The following SPOCK3 variants were observed in gnomAD, a reference collection of about 807,000 sequenced individuals.
The protein encoded by SPOCK3 is SPARC (osteonectin), cwcv and kazal like domains proteoglycan 3.
Under a neutral mutation model 56.6 loss-of-function variants are expected in SPOCK3, and 30 were observed. The observed-to-expected ratio is 0.53, with a 90% CI of 0.40 to 0.72. SPOCK3 has a LOEUF of 0.72. Ranked by LOEUF, SPOCK3 falls within the 30% of genes least tolerant of loss-of-function variation. The probability of loss-of-function intolerance (pLI) is 0.00; values close to 1 mark genes in which losing one functional copy is unlikely to be tolerated. For synonymous variants in SPOCK3, 196 were observed against 183.3 expected (o/e 1.07, Z -0.56); for missense variants, 527 against 530.0 (o/e 0.99, Z 0.06).
chr4:167,150,990 TTTGA>T (rs1764365728), intron 2 of SPOCK3, among the ~76,000 whole-genome samples: 1 of 152,218 alleles, frequency 6.6e-6, no homozygotes, highest in Non-Finnish European at 1.5e-5. Context: ...TATTTACCTT[TTTGA>T]TTGAGGCAGT....
At chr4:166,744,150 G>T (rs908391044) in intron 8 of SPOCK3, among the ~76,000 whole-genome samples, 1 of 152,172 alleles carries the variant, frequency 6.6e-6, no homozygotes, top group Non-Finnish European at 1.5e-5. Flanking sequence ...CAAACAGACT[G>T]CCTCCTCAAG....
At chr4:166,843,074 A>T (rs1290061913) in intron 6 of SPOCK3, among the ~76,000 whole-genome samples, 1 of 152,196 alleles carries the variant, frequency 6.6e-6, no homozygotes, top group Non-Finnish European at 1.5e-5. Flanking sequence ...CTGGGTGCTA[A>T]GCCCCTCACT....
At chr4:166,933,474 G>A (rs1014864417) in intron 4 of SPOCK3, among the ~76,000 whole-genome samples, 2 of 152,074 alleles carry the variant, frequency 1.3e-5, no homozygotes, top group East Asian at 3.9e-4. Context: ...ATTCCTTTCA[G>A]AAAGTTATGT....
At chr4:166,962,501 G>A (rs1744247703) in intron 4 of SPOCK3, among the ~76,000 whole-genome samples, 1 of 152,086 alleles carries the variant, frequency 6.6e-6, no homozygotes, top group Non-Finnish European at 1.5e-5. Context: ...AGCAGCATTA[G>A]AGAACCTTCT....
chr4:166,842,086 G>T (rs1747448731), intron 6 of SPOCK3, among the ~76,000 whole-genome samples: 1 of 152,192 alleles, frequency 6.6e-6, no homozygotes, highest in African/African-American at 2.4e-5. Flanking sequence ...GGGTGGGTTT[G>T]TGGTCTCCCT....
intron 7 of SPOCK3, among the ~76,000 whole-genome samples, chr4:166,769,605 G>A (rs899333029): frequency 3.3e-5 from 5 of 152,128 alleles, no homozygotes; most frequent in Admixed American, 3.3e-4. Flanking sequence ...CTACTTGGGG[G>A]GTGCCTCCCA....
At chr4:167,124,047 A>T (rs1046157807) in intron 2 of SPOCK3, among the ~76,000 whole-genome samples, 2 of 151,880 alleles carry the variant, frequency 1.3e-5, no homozygotes, top group African/African-American at 4.8e-5. Flanking sequence ...GCCCTGCCCC[A>T]AAAAGACATT....
intron 10 of SPOCK3, among the ~76,000 whole-genome samples, chr4:166,735,671 C>T (rs888724023): frequency 3.3e-5 from 5 of 151,798 alleles, no homozygotes; most frequent in Admixed American, 1.3e-4. Flanking sequence ...GCAGTGTTGT[C>T]GGCTTAAGTT....
intron 3 of SPOCK3, among the ~76,000 whole-genome samples, chr4:167,015,769 A>T (rs1039041338): frequency 6.6e-6 from 1 of 152,166 alleles, no homozygotes; most frequent in Non-Finnish European, 1.5e-5. Flanking sequence ...GCATCAAATG[A>T]TAGAGTGGTT....
intron 5 of SPOCK3, among the ~76,000 whole-genome samples, chr4:166,896,084 A>G (rs1735350923): frequency 6.6e-6 from 1 of 152,176 alleles, no homozygotes; most frequent in South Asian, 2.1e-4. Context: ...CAGTTAGAAC[A>G]TTATTAAGAG....
intron 6 of SPOCK3, among the ~76,000 whole-genome samples, chr4:166,818,724 A>T (rs1744623513): frequency 6.6e-6 from 1 of 152,016 alleles, no homozygotes; most frequent in Admixed American, 6.6e-5. Context: ...CTTCTGTTAA[A>T]GTATAACTTT....
chr4:167,228,716 A>G (rs993162593), intron 2 of SPOCK3, among the ~76,000 whole-genome samples: 1 of 152,188 alleles, frequency 6.6e-6, no homozygotes, highest in African/African-American at 2.4e-5. Context: ...AACAAGAGTC[A>G]GGATGCTGCC....
rs371887963 is a variant in SPOCK3, at chr4:167,124,513, T to C, written c.190-61976A>G. On this transcript the variant is annotated intron_variant, in intron 2 of 10. Transcript: ENST00000357545. Reference sequence around the variant, plus strand: ...TCATGCCACATCTTTAATGAAATCTTTGATGCCCTTTTCTCCCCCACACCC... The same window carrying C: ...TCATGCCACATCTTTAATGAAATCTCTGATGCCCTTTTCTCCCCCACACCC... Among the ~76,000 whole-genome samples the C allele has an allele frequency of 1.6e-4, 25 of 152,322 alleles. No homozygotes were observed. The East Asian group carries it at 4.6e-3, about 28-fold the overall frequency.
At chr4:167,145,405 T>C (rs908090498) in intron 2 of SPOCK3, among the ~76,000 whole-genome samples, 3 of 152,192 alleles carry the variant, frequency 2.0e-5, no homozygotes, top group African/African-American at 7.2e-5. Context: ...AAGCATATAA[T>C]GTTTTTTAAG....
intron 2 of SPOCK3, among the ~76,000 whole-genome samples, chr4:167,079,073 T>C (rs1271794481): frequency 6.8e-6 from 1 of 147,936 alleles, no homozygotes; most frequent in Non-Finnish European, 1.5e-5. Flanking sequence ...TTTGGGCAAA[T>C]GAAAAAAAAA....
intron 6 of SPOCK3, among the ~76,000 whole-genome samples, chr4:166,839,972 A>C (rs544038485): frequency 2.2e-4 from 34 of 152,104 alleles, no homozygotes; most frequent in Non-Finnish European, 4.4e-4. Context: ...GCTTCAATAA[A>C]CTTTGCTTTG....
chr4:166,840,452 G>C (rs1747117736), intron 6 of SPOCK3, among the ~76,000 whole-genome samples: 1 of 152,160 alleles, frequency 6.6e-6, no homozygotes. Context: ...TTGCCCTTTG[G>C]CTACAAAGAG....
At chr4:166,749,815 T>A (rs1447432653) in intron 8 of SPOCK3, among the ~76,000 whole-genome samples, 1 of 152,084 alleles carries the variant, frequency 6.6e-6, no homozygotes, top group Non-Finnish European at 1.5e-5. Flanking sequence ...ATTGTATAGT[T>A]TTTTATACAG....
intron 7 of SPOCK3, among the ~76,000 whole-genome samples, chr4:166,781,659 A>G (rs1740187884): frequency 6.6e-6 from 1 of 152,306 alleles, no homozygotes; most frequent in Non-Finnish European, 1.5e-5. Flanking sequence ...AGAGATAAGA[A>G]TCTTAGAGAA....
Sources: allele counts gnomAD v4.1 joint callset (sites outside exome capture counted in the v4.1 genomes callset), GRCh38; gene constraint gnomAD v4.1.1; transcripts MANE v1.5; gene names NCBI Gene and HGNC (gene_info 2026-07-23, HGNC 2026-07-21).